The following GABRG3 variants were observed in gnomAD, a reference collection of about 807,000 sequenced individuals.
The protein encoded by GABRG3 is gamma-aminobutyric acid type A receptor subunit gamma3.
In GABRG3, 25 loss-of-function variants were observed where a neutral mutation model predicts 48.8. The observed-to-expected ratio is 0.51, with a 90% CI of 0.37 to 0.72. The LOEUF (loss-of-function observed/expected upper bound fraction) is 0.72. Ranked by LOEUF, GABRG3 falls within the 30% of genes least tolerant of loss-of-function variation. The probability of loss-of-function intolerance (pLI) is 0.00; values close to 1 mark genes in which losing one functional copy is unlikely to be tolerated. For synonymous variants in GABRG3, 227 were observed against 217.6 expected (o/e 1.04, Z -0.38); for missense variants, 394 against 577.9 (o/e 0.68, Z 3.26).
chr15:27,282,882 C>T (rs1566992756), intron 3 of GABRG3, among the ~76,000 whole-genome samples: 1 of 152,160 alleles, frequency 6.6e-6, no homozygotes, highest in Non-Finnish European at 1.5e-5. Context: ...GCTAGGTGGA[C>T]ACCCCCCCAG....
chr15:27,146,623 T>C (rs576201102), intron 3 of GABRG3, among the ~76,000 whole-genome samples: 1 of 152,248 alleles, frequency 6.6e-6, no homozygotes, highest in African/African-American at 2.4e-5. Context: ...TAATATAAAA[T>C]GGTTGAGTTG....
intron 6 of GABRG3, among the ~76,000 whole-genome samples, chr15:27,501,095 G>T (rs779424956): frequency 1.9e-4 from 29 of 151,964 alleles, no homozygotes; most frequent in Admixed American, 1.4e-3. Context: ...GGGACTACAG[G>T]CGCCCGCCAC....
At chr15:27,048,239 G>A (rs924266684) in intron 3 of GABRG3, among the ~76,000 whole-genome samples, 5 of 152,174 alleles carry the variant, frequency 3.3e-5, no homozygotes, top group Non-Finnish European at 5.9e-5. Context: ...AGGGTGTGGA[G>A]GCCCAGGCTT....
At chr15:27,201,417 GAGA>G (rs944689476) in intron 3 of GABRG3, among the ~76,000 whole-genome samples, 7 of 151,438 alleles carry the variant, frequency 4.6e-5, no homozygotes, top group African/African-American at 1.5e-4. Context: ...AGAAGAGAAA[GAGA>G]AGAAGACAGA....
chr15:27,320,155 C>T lies in GABRG3; in HGVS notation c.271-6654C>T, dbSNP rs1595674704. On this transcript the variant is annotated intron_variant, in intron 3 of 9. Transcript: ENST00000615808. ...CCTTCTCCCAGGCCTTGGGGAAGGT[C>T]GTAGCTGTGTGTTCACTTGGTCTTT... Among the ~76,000 whole-genome samples the T allele has an allele frequency of 5.9e-5, 9 of 152,252 alleles. No homozygotes were observed. The South Asian group carries it at 1.7e-3, about 28-fold the overall frequency.
At chr15:27,212,495 A>G (rs796287367) in intron 3 of GABRG3, among the ~76,000 whole-genome samples, 3 of 152,158 alleles carry the variant, frequency 2.0e-5, no homozygotes, top group Non-Finnish European at 4.4e-5. Flanking sequence ...CCTTTACACT[A>G]TTATTTTTTG....
At chr15:27,308,579 AACAT>A (rs939464474) in intron 3 of GABRG3, among the ~76,000 whole-genome samples, 9 of 147,516 alleles carry the variant, frequency 6.1e-5, no homozygotes, top group African/African-American at 2.2e-4. Context: ...ACATAATGTA[AACAT>A]ACATTTATAT....
At chr15:27,084,975 T>A (rs1004256531) in intron 3 of GABRG3, among the ~76,000 whole-genome samples, 2 of 152,252 alleles carry the variant, frequency 1.3e-5, no homozygotes, top group African/African-American at 4.8e-5. Flanking sequence ...CTGGGACATG[T>A]ACAGTAGTTG....
At chr15:27,054,714 A>C (rs1370745052) in intron 3 of GABRG3, among the ~76,000 whole-genome samples, 2 of 152,240 alleles carry the variant, frequency 1.3e-5, no homozygotes, top group South Asian at 4.1e-4. Context: ...CTTCAAAAGC[A>C]GCTATTACTC....
At chr15:27,255,070 G>A (rs1890570722) in intron 3 of GABRG3, among the ~76,000 whole-genome samples, 1 of 152,194 alleles carries the variant, frequency 6.6e-6, no homozygotes. Context: ...CCCCTGCAAA[G>A]ATCCTGGCTC....
intron 3 of GABRG3, among the ~76,000 whole-genome samples, chr15:27,033,743 AT>A (rs1896128259): frequency 6.6e-6 from 1 of 152,172 alleles, no homozygotes; most frequent in Non-Finnish European, 1.5e-5. Flanking sequence ...AATGAACAAT[AT>A]TTCATTTTCC....
At chr15:27,073,745 T>A (rs1342952816) in intron 3 of GABRG3, among the ~76,000 whole-genome samples, 1 of 152,068 alleles carries the variant, frequency 6.6e-6, no homozygotes, top group African/African-American at 2.4e-5. Flanking sequence ...GGGACAAGAG[T>A]CCAAGCTTGA....
chr15:27,166,607 C>A (rs1887382243), intron 3 of GABRG3, among the ~76,000 whole-genome samples: 1 of 152,054 alleles, frequency 6.6e-6, no homozygotes, highest in African/African-American at 2.4e-5. Context: ...TCGCAGCCCA[C>A]CCCCTACACC....
chr15:27,528,083 T>C, intron 9 of GABRG3, 91 bp downstream of exon 9: 1 of 940,448 alleles, frequency 1.1e-6, no homozygotes, highest in South Asian at 1.4e-5. Context: ...GATGCATGCA[T>C]GTATTGAAGA....
chr15:27,315,697 TTAAAA>T (rs1200353802), intron 3 of GABRG3, among the ~76,000 whole-genome samples: 2 of 152,360 alleles, frequency 1.3e-5, no homozygotes, highest in East Asian at 1.9e-4. Flanking sequence ...ATCTTGCACT[TTAAAA>T]TAATTTTGGT....
intron 2 of GABRG3, among the ~76,000 whole-genome samples, chr15:27,000,043 ACT>A (rs1235810223): frequency 6.6e-6 from 1 of 151,908 alleles, no homozygotes; most frequent in South Asian, 2.1e-4. Flanking sequence ...ACAGTTAATG[ACT>A]CTAATTATCT....
intron 3 of GABRG3, among the ~76,000 whole-genome samples, chr15:27,104,514 C>T (rs1474593678): frequency 6.6e-6 from 1 of 152,210 alleles, no homozygotes; most frequent in African/African-American, 2.4e-5. Context: ...TTCACTCACT[C>T]ACTCCCAAGG....
At chr15:27,486,263 T>C (rs1202062581) in intron 6 of GABRG3, among the ~76,000 whole-genome samples, 1 of 152,122 alleles carries the variant, frequency 6.6e-6, no homozygotes, top group Admixed American at 6.5e-5. Flanking sequence ...CTAGGAGCTT[T>C]CCCTCTGGTG....
chr15:27,223,345 T>C (rs550181507), intron 3 of GABRG3, among the ~76,000 whole-genome samples: 1 of 152,284 alleles, frequency 6.6e-6, no homozygotes, highest in East Asian at 1.9e-4. Flanking sequence ...GAGACAAGTA[T>C]TGCCAGGGAG....
Sources: allele counts gnomAD v4.1 joint callset (sites outside exome capture counted in the v4.1 genomes callset), GRCh38; gene constraint gnomAD v4.1.1; transcripts MANE v1.5; gene names NCBI Gene and HGNC (gene_info 2026-07-23, HGNC 2026-07-21).